The following VLDLR variants were observed in gnomAD, a reference collection of about 807,000 sequenced individuals.
VLDLR encodes the protein very low density lipoprotein receptor.
Under a neutral mutation model 112.7 loss-of-function variants are expected in VLDLR, and 81 were observed. The observed-to-expected ratio is 0.72, with a 90% confidence interval of 0.60 to 0.86. The LOEUF (loss-of-function observed/expected upper bound fraction) is 0.86. VLDLR is among the 40% of genes least tolerant of loss of function. VLDLR has a pLI of 0.00. For synonymous variants in VLDLR, 436 were observed against 384.8 expected, an observed-to-expected ratio of 1.13 and a Z score of -1.56; for missense variants, 1,237 against 1,099.4, an observed-to-expected ratio of 1.13 and a Z score of -1.77.
rs1817914830 is a variant in VLDLR at position 2,643,402 on chromosome 9, C to T, written c.691C>T (p.Arg231Cys). The change falls in exon 5 of 19, where the codon CGT (arginine) becomes TGT (cysteine). Residue 231 changes from arginine (R) to cysteine (C), a missense_variant. Arg to Cys is a radical substitution (Grantham distance 180). Coordinates refer to ENST00000382100, the MANE Select transcript of VLDLR (RefSeq NM_003383.5). ...QSDESLEQCG[R>C]QPVIHTKCPA... ...TGATGAGTCCCTGGAGCAGTGTGGC[C>T]GTCAGCCAGTCATACACACCAAGTG... 3.7e-6 allele frequency: 6 copies of T among 1,614,080 alleles called. No homozygotes were observed. The highest frequency in any genetic ancestry group is 1.1e-5 in the South Asian group (1 of 91,068).
At chr9:2,627,254 G>A (rs188818146) in intron 1 of VLDLR, among the ~76,000 whole-genome samples, 4 of 152,300 alleles carry the variant, frequency 2.6e-5, no homozygotes, top group Admixed American at 1.3e-4. Flanking sequence ...AGCTTATGAA[G>A]TTTCCCTAAA....
intron 1 of VLDLR, among the ~76,000 whole-genome samples, chr9:2,631,827 A>G (rs1278784371): frequency 3.3e-5 from 5 of 152,152 alleles, no homozygotes; most frequent in African/African-American, 7.2e-5. Flanking sequence ...ACATGTAACA[A>G]AATTTTACAT....
intron 1 of VLDLR, among the ~76,000 whole-genome samples, chr9:2,633,991 G>A (rs1431724561): frequency 6.6e-6 from 1 of 152,096 alleles, no homozygotes; most frequent in Non-Finnish European, 1.5e-5. Flanking sequence ...AATAAAACGT[G>A]AAGAATGAAA....
intron 9 of VLDLR, among the ~76,000 whole-genome samples, 158 bp from the exon 10 acceptor site, chr9:2,645,416 C>G (rs551150045): frequency 2.0e-4 from 30 of 152,302 alleles, no homozygotes; most frequent in African/African-American, 7.0e-4. Flanking sequence ...CTGTAGGAAG[C>G]ACTTGCAGGT....
In VLDLR at chr9:2,659,265, G is replaced by C. The variant is rs1563774170; in HGVS notation, c.*5397G>C. 6.6e-6 allele frequency: 1 copy of C among 152,228 alleles called. No homozygotes were observed. Among genetic ancestry groups the C allele is most frequent in the Non-Finnish European group, 1.5e-5 (1 of 68,050 alleles). The allele number at this position is 152,228 out of a possible 1,614,324, so 9.4% of individuals were successfully genotyped here. A position where few individuals can be genotyped will look rare whatever the true frequency, so the allele number is the denominator to read the frequency against. On this transcript the variant is annotated 3_prime_UTR_variant, in exon 19 of 19. Transcript: ENST00000382100. ...CCGTCTTCTCTTAGAAGGGGATGCAGTACTGTACAAAGATTGAGCTGGATG... is the reference window on the plus strand; with the variant it reads ...CCGTCTTCTCTTAGAAGGGGATGCACTACTGTACAAAGATTGAGCTGGATG...
rs148487944 is a variant in VLDLR, at chr9:2,646,492, A to G, written c.1643A>G (p.Lys548Arg). The change falls in exon 11 of 19, where the codon AAG becomes AGG. Residue 548 changes from lysine (K) to arginine (R), a missense_variant. By Grantham distance (26) the Lys-to-Arg change is conservative. Transcript: ENST00000382100. The stretch of plus-strand genomic sequence containing the variant: ...GCTACCCTAGATGGAACCAAGAGGA[A>G]GTTCCTGTTTAACTCTGACTTGCGA... ...SVATLDGTKR[K>R]FLFNSDLREP... is the part of the protein sequence containing the mutation. 9.3e-4 allele frequency: 1,508 copies of G among 1,614,150 alleles called. 1 individual carries two copies. The highest frequency in any genetic ancestry group is 1.2e-3 in the Non-Finnish European group (1,415 of 1,180,012).
At chr9:2,623,678 G>T (rs1244548545) in intron 1 of VLDLR, among the ~76,000 whole-genome samples, 2 of 152,178 alleles carry the variant, frequency 1.3e-5, no homozygotes, top group African/African-American at 2.4e-5. Flanking sequence ...TGGTCACATG[G>T]TTCCGCGGAC....
chr9:2,645,103 A>T, intron 9 of VLDLR, 21 bp downstream of exon 9: 2 of 1,614,022 alleles, frequency 1.2e-6, no homozygotes, highest in Non-Finnish European at 1.7e-6. Flanking sequence ...TTGGACTGGT[A>T]TGGCTGTTGT....
In VLDLR at chr9:2,653,917, G is replaced by A. The variant is rs199836483; in HGVS notation, c.*49G>A. ...TGAGGTCTAAACAAATAATACCCCCGTCGGAATGGTAACCGAGCCAGCAGC... is the reference window on the plus strand; with the variant it reads ...TGAGGTCTAAACAAATAATACCCCCATCGGAATGGTAACCGAGCCAGCAGC... On this transcript the variant is annotated 3_prime_UTR_variant, in exon 19 of 19. Coordinates refer to ENST00000382100, the MANE Select transcript of VLDLR (RefSeq NM_003383.5). The A allele has an allele frequency of 4.4e-5, 70 of 1,600,944 alleles. No homozygotes were observed. Among genetic ancestry groups the A allele is most frequent in the African/African-American group, 9.4e-5 (7 of 74,770 alleles).
rs372070752 is a variant in VLDLR at position 2,630,904 on chromosome 9, A to C, written c.83-4549A>C. Among the ~76,000 whole-genome samples the C allele has an allele frequency of 9.8e-5, 15 of 152,360 alleles. 1 individual carries two copies. The highest frequency in any genetic ancestry group is 3.4e-4 in the African/African-American group (14 of 41,586). ...AGTGAAGAACAACCTGCCGAATGGG[A>C]GAAAATATTTGCAAACTATTATCTG... On this transcript the variant is annotated intron_variant, in intron 1 of 18. Transcript: ENST00000382100.
intron 1 of VLDLR, among the ~76,000 whole-genome samples, chr9:2,628,866 C>T (rs1481439811): frequency 6.6e-6 from 1 of 152,140 alleles, no homozygotes; most frequent in Non-Finnish European, 1.5e-5. Flanking sequence ...ATGTTACTAT[C>T]ATGTGTATTG....
chr9:2,637,110 G>C (rs192287064), intron 2 of VLDLR, among the ~76,000 whole-genome samples: 1 of 152,280 alleles, frequency 6.6e-6, no homozygotes, highest in East Asian at 1.9e-4. Flanking sequence ...GCCAAAATTT[G>C]TCTCTACTTC....
chr9:2,622,137 G>T lies in VLDLR; in HGVS notation c.-53G>T. On this transcript the variant is annotated 5_prime_UTR_variant, in exon 1 of 19. Transcript: ENST00000382100. ...TTCGGAAGGACTGGTAACTTGTCGTGCGGAGCGAACGGCGGCGGCGGCGGC... is the reference window on the plus strand; with the variant it reads ...TTCGGAAGGACTGGTAACTTGTCGTTCGGAGCGAACGGCGGCGGCGGCGGC... The T allele has an allele frequency of 7.0e-7, 1 of 1,425,516 alleles. No homozygotes were observed. Among genetic ancestry groups the T allele is most frequent in the Non-Finnish European group, 9.2e-7 (1 of 1,086,210 alleles). 88.3% of individuals were successfully genotyped at this position (1,425,516 alleles called of 1,614,324 possible).
intron 1 of VLDLR, among the ~76,000 whole-genome samples, chr9:2,624,913 T>G (rs1817022503): frequency 6.6e-6 from 1 of 152,212 alleles, no homozygotes. Context: ...CTTGCCCACT[T>G]TATGTGGCAT....
chr9:2,640,110 C>A, intron 3 of VLDLR, 129 bp downstream of exon 3: 1 of 1,439,912 alleles, frequency 6.9e-7, no homozygotes, highest in South Asian at 1.2e-5. Flanking sequence ...TCAATTGACT[C>A]CAAGGGCAGT....
intron 3 of VLDLR, among the ~76,000 whole-genome samples, chr9:2,641,025 A>G (rs993974945): frequency 9.9e-5 from 15 of 152,222 alleles, no homozygotes; most frequent in Non-Finnish European, 1.9e-4. Flanking sequence ...TTAGATGACA[A>G]TATCTAGGTG....
intron 3 of VLDLR, among the ~76,000 whole-genome samples, chr9:2,640,930 A>G (rs930160412): frequency 1.3e-5 from 2 of 152,234 alleles, no homozygotes; most frequent in Non-Finnish European, 2.9e-5. Flanking sequence ...AATCTAAAGG[A>G]CATTGTGAAG....
chr9:2,629,764 T>G (rs1817254182), intron 1 of VLDLR, among the ~76,000 whole-genome samples: 1 of 152,178 alleles, frequency 6.6e-6, no homozygotes, highest in Non-Finnish European at 1.5e-5. Flanking sequence ...TCACCACTTT[T>G]TAGTGGCCCC....
rs1426272213 is a variant in VLDLR, at chr9:2,655,471, G to A, written c.*1603G>A. 2 of 152,172 alleles carry A rather than the reference G, an allele frequency of 1.3e-5. No homozygotes were observed. The highest frequency in any genetic ancestry group is 2.9e-5 in the Non-Finnish European group (2 of 68,038). 9.4% of individuals were successfully genotyped at this position (152,172 alleles called of 1,614,324 possible). Reference sequence around the variant, plus strand: ...GCAATTCCTCTGGAATTAAATGACCGACCAACACAGTACCAAGAGGATGAA... The same window carrying A: ...GCAATTCCTCTGGAATTAAATGACCAACCAACACAGTACCAAGAGGATGAA... On this transcript the variant is annotated 3_prime_UTR_variant, in exon 19 of 19. Coordinates refer to ENST00000382100, the MANE Select transcript of VLDLR (RefSeq NM_003383.5).
Sources: allele counts gnomAD v4.1 joint callset (sites outside exome capture counted in the v4.1 genomes callset), GRCh38; gene constraint gnomAD v4.1.1; transcripts MANE v1.5; gene names NCBI Gene and HGNC (gene_info 2026-07-23, HGNC 2026-07-21).